Variants in IQCM observed in about 807,000 individuals in gnomAD.
The protein encoded by IQCM is IQ domain-containing protein M.
A neutral mutation model predicts 57.6 loss-of-function variants in IQCM; 45 were observed. That is an observed-to-expected ratio of 0.78 (90% CI 0.62 to 1.00). IQCM has a LOEUF of 1.00. IQCM is among the 50% of genes least tolerant of loss of function. The probability of loss-of-function intolerance (pLI) is 0.00; values close to 1 mark genes in which losing one functional copy is unlikely to be tolerated. For missense variants in IQCM, 468 were observed against 511.6 expected (o/e 0.91, Z 0.82); for synonymous variants, 148 against 158.9 (o/e 0.93, Z 0.51).
chr4:149,357,065 A>G (rs1211302086), intron 13 of IQCM, among the ~76,000 whole-genome samples: 3 of 152,126 alleles, frequency 2.0e-5, no homozygotes, highest in Admixed American at 1.3e-4. Context: ...TTGGTGTAAA[A>G]GAATGCTTGT....
intron 13 of IQCM, among the ~76,000 whole-genome samples, chr4:149,390,012 T>C (rs1274656863): frequency 6.6e-6 from 1 of 152,044 alleles, no homozygotes; most frequent in Admixed American, 6.6e-5. Flanking sequence ...AAAAAAAAAC[T>C]TAGATTTTAT....
At chr4:149,357,586 G>A (rs570532279) in intron 13 of IQCM, among the ~76,000 whole-genome samples, 1 of 152,262 alleles carries the variant, frequency 6.6e-6, no homozygotes, top group South Asian at 2.1e-4. Flanking sequence ...TGCATCTCAG[G>A]GATGAAGCCC....
intron 13 of IQCM, among the ~76,000 whole-genome samples, chr4:149,392,897 G>T: frequency 6.6e-6 from 1 of 152,100 alleles, no homozygotes; most frequent in Non-Finnish European, 1.5e-5. Flanking sequence ...ATATTTGGGA[G>T]TTGTCGCTCA....
chr4:149,667,392 A>C (rs965190913), intron 7 of IQCM, among the ~76,000 whole-genome samples: 3 of 152,146 alleles, frequency 2.0e-5, no homozygotes, highest in African/African-American at 7.2e-5. Context: ...CAACATCGAC[A>C]AAAAGGACAA....
intron 2 of IQCM, among the ~76,000 whole-genome samples, chr4:149,768,074 G>A (rs1770226090): frequency 6.6e-6 from 1 of 152,072 alleles, no homozygotes; most frequent in Non-Finnish European, 1.5e-5. Context: ...CAGCCCTGAT[G>A]TAACTAATTT....
chr4:149,624,749 A>G (rs1269817601), intron 7 of IQCM, among the ~76,000 whole-genome samples: 6 of 152,208 alleles, frequency 3.9e-5, no homozygotes. Flanking sequence ...ATAGTAGTTC[A>G]ACGTTTAAAA....
chr4:149,541,396 T>C (rs950014344), intron 12 of IQCM, among the ~76,000 whole-genome samples: 1 of 152,138 alleles, frequency 6.6e-6, no homozygotes, highest in Non-Finnish European at 1.5e-5. Context: ...CTTATCATCG[T>C]TGTTGAGTTT....
intron 2 of IQCM, among the ~76,000 whole-genome samples, chr4:149,785,457 T>C (rs1036092169): frequency 6.6e-6 from 1 of 152,176 alleles, no homozygotes; most frequent in African/African-American, 2.4e-5. Flanking sequence ...AATAATTTAT[T>C]TAAATAACTA....
intron 2 of IQCM, among the ~76,000 whole-genome samples, chr4:149,749,529 A>C (rs762782858): frequency 6.6e-6 from 1 of 152,134 alleles, no homozygotes; most frequent in Non-Finnish European, 1.5e-5. Flanking sequence ...AACTGTGAGG[A>C]AAGAGTGCAG....
intron 12 of IQCM, among the ~76,000 whole-genome samples, chr4:149,524,127 A>G (rs1745929865): frequency 6.6e-6 from 1 of 152,168 alleles, no homozygotes; most frequent in Admixed American, 6.5e-5. Flanking sequence ...GATGACTCCC[A>G]GAAATGTTAA....
rs1740800367 is a variant in IQCM, at chr4:149,481,696, G to GTTTTGTTTTTGTTTTTTGTT, written c.1229-48140_1229-48139insAACAAAAAACAAAAACAAAA. 1.5e-4 allele frequency among the ~76,000 whole-genome samples: 5 copies of GTTTTGTTTTTGTTTTTTGTT among 33,614 alleles called. No homozygotes were observed. In the East Asian group the frequency reaches 2.7e-3, roughly 18 times the overall value. 22.1% of individuals were successfully genotyped at this position (33,614 alleles called of 152,430 possible). ...GAAGTCATGTAATGTGATTCTTCCA[G>GTTTTGTTTTTGTTTTTTGTT]TTTTGTTTTTTTTTTTTTTTTTTTT... is the stretch of plus-strand genomic sequence containing the variant. On this transcript the variant is annotated intron_variant, in intron 12 of 13. Transcript: ENST00000636793.
At chr4:149,635,921 T>C (rs1237321197) in intron 7 of IQCM, among the ~76,000 whole-genome samples, 3 of 152,186 alleles carry the variant, frequency 2.0e-5, no homozygotes, top group South Asian at 2.1e-4. Context: ...ATGTGAGAGA[T>C]TGAACTCAGC....
chr4:149,378,224 C>T (rs1002694971), intron 13 of IQCM, among the ~76,000 whole-genome samples: 2 of 152,082 alleles, frequency 1.3e-5, no homozygotes, highest in African/African-American at 4.8e-5. Flanking sequence ...AATGGACTAA[C>T]ACAGTAAATT....
intron 13 of IQCM, among the ~76,000 whole-genome samples, chr4:149,367,732 A>G (rs1560777849): frequency 6.6e-6 from 1 of 152,078 alleles, no homozygotes; most frequent in South Asian, 2.1e-4. Context: ...CTAAGTTGCT[A>G]TCTAAAACTC....
chr4:149,416,016 C>T (rs908564465), intron 13 of IQCM, among the ~76,000 whole-genome samples: 1 of 152,096 alleles, frequency 6.6e-6, no homozygotes, highest in African/African-American at 2.4e-5. Context: ...CAAACCTGCA[C>T]ATTGTGCGCA....
At chr4:149,614,058 C>A (rs1278164517) in intron 8 of IQCM, among the ~76,000 whole-genome samples, 1 of 151,964 alleles carries the variant, frequency 6.6e-6, no homozygotes, top group Non-Finnish European at 1.5e-5. Flanking sequence ...ATGACCTAAA[C>A]CTATGTTTTT....
chr4:149,561,544 C>G (rs977664147), intron 10 of IQCM, among the ~76,000 whole-genome samples: 1 of 152,002 alleles, frequency 6.6e-6, no homozygotes, highest in Non-Finnish European at 1.5e-5. Flanking sequence ...TTGTTGAGTG[C>G]CTACTACATA....
At chr4:149,486,413 G>A (rs1741516910) in intron 12 of IQCM, among the ~76,000 whole-genome samples, 1 of 151,886 alleles carries the variant, frequency 6.6e-6, no homozygotes, top group Admixed American at 6.6e-5. Context: ...TCTCCCTGTT[G>A]CCACCACCAC....
At position 149,462,466 on chromosome 4, in the gene IQCM, TAGAGGAATAG is replaced by T. The variant is rs368768942; in HGVS notation, c.1229-28919_1229-28910del. On this transcript the variant is annotated intron_variant, in intron 12 of 13. Coordinates refer to ENST00000636793, the MANE Select transcript of IQCM (RefSeq NM_001363507.2). Reference sequence around the variant, plus strand: ...ACATAGGAGGTAGAGGATGGAGTGTTAGAGGAATAGATGCAAATGAAAAACTACTCATCTT... The same window carrying T: ...ACATAGGAGGTAGAGGATGGAGTGTTATGCAAATGAAAAACTACTCATCTT... 3.1e-3 allele frequency among the ~76,000 whole-genome samples: 478 copies of T among 152,322 alleles called. 6 individuals are homozygous for T. The highest frequency in any genetic ancestry group is 0.011 in the African/African-American group (458 of 41,576).
Sources: allele counts gnomAD v4.1 joint callset (sites outside exome capture counted in the v4.1 genomes callset), GRCh38; gene constraint gnomAD v4.1.1; transcripts MANE v1.5; gene names NCBI Gene and HGNC (gene_info 2026-07-23, HGNC 2026-07-21).